The following XYLT2 variants were observed in gnomAD, a reference collection of about 807,000 sequenced individuals.
The protein encoded by XYLT2 is xylosyltransferase 2.
Under a neutral mutation model 82.6 loss-of-function variants are expected in XYLT2, and 37 were observed. That is an observed-to-expected ratio of 0.45 (90% confidence interval 0.34 to 0.59). The LOEUF is 0.59. XYLT2 is among the 20% of genes least tolerant of loss of function. The pLI is 0.01. For missense variants in XYLT2, 934 were observed against 1,181.3 expected (o/e 0.79, Z 3.07); for synonymous variants, 474 against 499.0 (o/e 0.95, Z 0.67).
At position 50,360,205 on chromosome 17, in the gene XYLT2, C is replaced by T. The variant is rs754420257; in HGVS notation, c.2512C>T (p.Pro838Ser). The part of the protein sequence containing the change: ...IGPSPCPSLE[P>S]CRLTSWSSLS... ...CCCCTCTCCCTGCCCCTCCCTGGAGCCCTGCAGACTGACCAGCTGGAGCTC... is the reference window on the plus strand; with the variant it reads ...CCCCTCTCCCTGCCCCTCCCTGGAGTCCTGCAGACTGACCAGCTGGAGCTC... Residue 838 changes from proline to serine, a missense_variant, in exon 11 of 11, where the codon CCC (proline) becomes TCC (serine). Around this residue, in one of 3 missense-constraint regions of XYLT2, gnomAD observed 374 missense variants for 465.6 expected, o/e 0.80. Coordinates refer to ENST00000017003, the MANE Select transcript of XYLT2 (RefSeq NM_022167.4). 1 of 1,614,096 alleles carries T rather than the reference C, an allele frequency of 6.2e-7. No individual in the cohort carries two copies. The highest frequency in any genetic ancestry group is 8.5e-7 in the Non-Finnish European group (1 of 1,179,998).
chr17:50,348,288 G>A (rs1032172753), intron 1 of XYLT2, among the ~76,000 whole-genome samples: 2 of 152,206 alleles, frequency 1.3e-5, no homozygotes, highest in African/African-American at 4.8e-5. Context: ...GCTTAGATCA[G>A]GGGGTCAGGA....
Position 50,354,758 on chromosome 17 carries a change from G to A in XYLT2, c.805-96G>A. The A allele has an allele frequency of 4.4e-6, 7 of 1,574,566 alleles. No homozygotes were observed. In the East Asian group the frequency reaches 9.0e-5, roughly 20 times the overall value. On this transcript the variant is annotated intron_variant, in intron 3 of 10. Transcript: ENST00000017003. ...CGCTTAGGGGCTGGAGCCCTGCCCTGTGCTTTCCTCGTCTTGTGTCCCTTC... is the reference window on the plus strand; with the variant it reads ...CGCTTAGGGGCTGGAGCCCTGCCCTATGCTTTCCTCGTCTTGTGTCCCTTC...
Position 50,354,462 on chromosome 17 carries a change from A to G in XYLT2, c.683A>G (p.Asp228Gly). The G allele has an allele frequency of 6.2e-7, 1 of 1,612,314 alleles. No individual in the cohort carries two copies. Among genetic ancestry groups the G allele is most frequent in the Non-Finnish European group, 8.5e-7 (1 of 1,179,846 alleles). ...WDESQAQQPM[D>G]GPPVRIAYML... Reference sequence around the variant, plus strand: ...GAGAGCCAAGCCCAGCAGCCCATGGATGGCCCCCCGGTGCGAATCGCCTAC... The same window carrying G: ...GAGAGCCAAGCCCAGCAGCCCATGGGTGGCCCCCCGGTGCGAATCGCCTAC... Residue 228 changes from aspartate (D) to glycine (G), a missense_variant, in exon 3 of 11, where the codon GAT becomes GGT. By Grantham distance (94) the Asp-to-Gly change is moderately conservative. Around this residue, in one of 3 missense-constraint regions of XYLT2, gnomAD observed 371 missense variants for 394.9 expected, o/e 0.94. Transcript: ENST00000017003.
intron 1 of XYLT2, among the ~76,000 whole-genome samples, chr17:50,350,250 GCATTCATT>G (rs1007257484): frequency 1.1e-5 from 1 of 95,152 alleles, no homozygotes; most frequent in African/African-American, 3.5e-5. Context: ...CAAAAGCTTT[GCATTCATT>G]CATTCATTCA....
chr17:50,351,044 T>C (rs1200846866), intron 1 of XYLT2, among the ~76,000 whole-genome samples: 2 of 152,108 alleles, frequency 1.3e-5, no homozygotes, highest in Non-Finnish European at 2.9e-5. Flanking sequence ...TCCAGACAGC[T>C]CATGGAGCCT....
chr17:50,358,237 C>T lies in XYLT2; in HGVS notation c.1972C>T (p.Leu658Phe). The change falls in exon 10 of 11, where the codon CTT (leucine) becomes TTT (phenylalanine). Residue 658 changes from leucine (L) to phenylalanine (F), a missense_variant. This residue lies in a region of XYLT2 where 374 missense variants were observed against 465.6 expected (regional missense o/e 0.80). Transcript: ENST00000017003. ...CACTGATTGGGACCCCAAAGAGCGT[C>T]TTTTCCGGAACTTTGGGGGGTTACT... ...VGTDWDPKER[L>F]FRNFGGLLGP... 6.2e-7 allele frequency: 1 copy of T among 1,610,142 alleles called. No individual in the cohort carries two copies. Among genetic ancestry groups the T allele is most frequent in the Non-Finnish European group, 8.5e-7 (1 of 1,177,592 alleles).
chr17:50,353,370 A>G (rs1195203348), intron 1 of XYLT2, among the ~76,000 whole-genome samples: 1 of 152,206 alleles, frequency 6.6e-6, no homozygotes, highest in Non-Finnish European at 1.5e-5. Context: ...AACCAAGCAC[A>G]CTGCCATGTA....
intron 1 of XYLT2, among the ~76,000 whole-genome samples, chr17:50,350,949 G>T (rs1397004321): frequency 6.6e-6 from 1 of 152,076 alleles, no homozygotes; most frequent in Non-Finnish European, 1.5e-5. Flanking sequence ...ATGAGGGGAC[G>T]CAGAGAAAAC....
intron 1 of XYLT2, among the ~76,000 whole-genome samples, chr17:50,350,726 A>G (rs552602504): frequency 1.3e-5 from 2 of 152,286 alleles, no homozygotes; most frequent in African/African-American, 2.4e-5. Context: ...AAATAGTAGG[A>G]TGAGAGGAAA....
chr17:50,347,040 C>G, intron 1 of XYLT2: 1 of 613,722 alleles, frequency 1.6e-6, no homozygotes, highest in Non-Finnish European at 2.0e-6. Flanking sequence ...AACCAACAGC[C>G]GTCTCAGCCC....
chr17:50,359,914 G>A lies in XYLT2; in HGVS notation c.2276-55G>A, dbSNP rs1434913455. The A allele has an allele frequency of 3.4e-6, 5 of 1,467,534 alleles. No homozygotes were observed. In the South Asian group the frequency reaches 6.7e-5, roughly 20 times the overall value. 90.9% of individuals were successfully genotyped at this position (1,467,534 alleles called of 1,614,324 possible). A position where few individuals can be genotyped will look rare whatever the true frequency, so the allele number is the denominator to read the frequency against. ...TACCCAGACCCAACTCCTGGGTCTG[G>A]CCTCCACGGAGTCTGTTGCAGGGGG... On this transcript the variant is annotated intron_variant, in intron 10 of 10. Transcript: ENST00000017003.
At chr17:50,355,167 T>C (rs1213017812) in intron 4 of XYLT2, 111 bp downstream of exon 4, 29 of 1,218,120 alleles carry the variant, frequency 2.4e-5, no homozygotes, top group South Asian at 6.0e-5. Context: ...AACTCTGGGA[T>C]CCGCCCTGCT....
Position 50,355,982 on chromosome 17 carries a change from A to C in XYLT2, c.1290A>C (p.Thr430=). The C allele has an allele frequency of 1.2e-6, 2 of 1,614,152 alleles. No individual in the cohort carries two copies. Among genetic ancestry groups the C allele is most frequent in the Non-Finnish European group, 1.7e-6 (2 of 1,180,010 alleles). The change falls in exon 6 of 11, where the codon ACA becomes ACC. Residue 430 remains threonine, a synonymous_variant. Coordinates refer to ENST00000017003, the MANE Select transcript of XYLT2 (RefSeq NM_022167.4). ...AGCTGCGCCAGTTCTACACATACAC[A>C]CTGCTCCCAGCCGAGGTGGGTAGCC... ...VAQLRQFYTY[T]LLPAESFFHT...
In XYLT2 at chr17:50,354,317, T is replaced by A; in HGVS notation, c.629-91T>A. ...CGAGCATGGAGCTCCAAGTCTAGGT[T>A]TCTTCGGAAGGCAGGCAGCTCCCTC... On this transcript the variant is annotated intron_variant, in intron 2 of 10. Coordinates refer to ENST00000017003, the MANE Select transcript of XYLT2 (RefSeq NM_022167.4). 6.6e-6 allele frequency: 10 copies of A among 1,510,820 alleles called. No homozygotes were observed. In the Admixed American group the frequency reaches 1.9e-4, roughly 29 times the overall value. 93.6% of individuals were successfully genotyped at this position (1,510,820 alleles called of 1,614,324 possible). A position where few individuals can be genotyped will look rare whatever the true frequency, so the allele number is the denominator to read the frequency against.
chr17:50,350,109 G>A (rs1401885527), intron 1 of XYLT2, among the ~76,000 whole-genome samples: 3 of 144,296 alleles, frequency 2.1e-5, no homozygotes, highest in Non-Finnish European at 3.1e-5. Context: ...CTTGAACCTG[G>A]GAGGCAAAGG....
At chr17:50,349,826 G>T (rs953120047) in intron 1 of XYLT2, among the ~76,000 whole-genome samples, 1 of 152,162 alleles carries the variant, frequency 6.6e-6, no homozygotes, top group African/African-American at 2.4e-5. Flanking sequence ...AGGATCTTGG[G>T]TCTCTCTTGA....
rs368693772 is a variant in XYLT2 at position 50,357,078 on chromosome 17, G to A, written c.1767G>A (p.Pro589=). ...TTAGGTTTGAGCCCAGGGGCTTGCCGTCCAGCGTGCACCTGTATTTCTATG... is the reference window on the plus strand; with the variant it reads ...TTAGGTTTGAGCCCAGGGGCTTGCCATCCAGCGTGCACCTGTATTTCTATG... The part of the protein sequence containing the change: ...PLCRFEPRGL[P]SSVHLYFYDD... The change falls in exon 9 of 11, where the codon CCG becomes CCA. Residue 589 remains proline (P), a synonymous_variant. Transcript: ENST00000017003. 6.8e-6 allele frequency: 11 copies of A among 1,609,696 alleles called. No individual in the cohort carries two copies. The highest frequency in any genetic ancestry group is 1.1e-5 in the South Asian group (1 of 90,424).
At chr17:50,347,761 C>T (rs1912100857) in intron 1 of XYLT2, among the ~76,000 whole-genome samples, 1 of 152,232 alleles carries the variant, frequency 6.6e-6, no homozygotes, top group Non-Finnish European at 1.5e-5. Flanking sequence ...CCCATTGCTG[C>T]TTGGACCCCC....
chr17:50,360,176 T>A lies in XYLT2; in HGVS notation c.2483T>A (p.Ile828Lys). ...TGGTCCGTGGCTGGACTGTGTGCCA[T>A]AGGCCCCTCTCCCTGCCCCTCCCTG... is the stretch of plus-strand genomic sequence containing the variant. Reference protein sequence around the residue: ...SFWSVAGLCAIGPSPCPSLEP... With the variant: ...SFWSVAGLCAKGPSPCPSLEP... Residue 828 changes from isoleucine (I) to lysine (K), a missense_variant, in exon 11 of 11, where the codon ATA becomes AAA. By Grantham distance (102) the Ile-to-Lys change is moderately radical (BLOSUM62 -3). Transcript: ENST00000017003. The A allele has an allele frequency of 6.2e-7, 1 of 1,614,016 alleles. No homozygotes were observed. The highest frequency in any genetic ancestry group is 8.5e-7 in the Non-Finnish European group (1 of 1,179,956).
Sources: gnomAD v4.1 joint callset for allele counts (sites outside exome capture counted in the v4.1 genomes callset) on GRCh38, gnomAD v4.1.1 for gene constraint, gnomAD v4.1.1 regional missense constraint, MANE v1.5 for transcripts, NCBI Gene and HGNC (gene_info 2026-07-23, HGNC 2026-07-21) for gene names.